CPNE8: variants seen among roughly 807,000 people sequenced by gnomAD.
CPNE8 encodes the protein copine 8.
A neutral mutation model predicts 81.5 loss-of-function variants in CPNE8; 45 were observed. That is an observed-to-expected ratio of 0.55 (90% CI 0.44 to 0.71). The LOEUF (loss-of-function observed/expected upper bound fraction) is 0.71, where lower values mean the gene tolerates loss of function less well. Ranked by LOEUF, CPNE8 falls within the 30% of genes least tolerant of loss-of-function variation. The probability of loss-of-function intolerance (pLI) is 0.00; values close to 1 mark genes in which losing one functional copy is unlikely to be tolerated. For missense variants in CPNE8, 594 were observed against 672.1 expected (o/e 0.88, Z 1.28); for synonymous variants, 252 against 226.3 (o/e 1.11, Z -1.02).
chr12:38,881,258 C>G (rs1944153831), intron 1 of CPNE8, among the ~76,000 whole-genome samples: 2 of 151,506 alleles, frequency 1.3e-5, no homozygotes, highest in Admixed American at 1.3e-4. Context: ...TACTAAAAAG[C>G]CGAAGTCAGC....
chr12:38,654,891 A>G (rs569844934), intron 19 of CPNE8, among the ~76,000 whole-genome samples: 25 of 152,340 alleles, frequency 1.6e-4, no homozygotes, highest in African/African-American at 5.5e-4. Flanking sequence ...TAAACACATT[A>G]AAGTATTTTA....
intron 6 of CPNE8, among the ~76,000 whole-genome samples, chr12:38,778,290 G>A (rs751639393): frequency 1.3e-5 from 2 of 152,082 alleles, no homozygotes; most frequent in African/African-American, 4.8e-5. Context: ...ACAGCCTATG[G>A]TGGTTTCACA....
chr12:38,869,775 C>T (rs1400819798), intron 3 of CPNE8, among the ~76,000 whole-genome samples: 1 of 152,072 alleles, frequency 6.6e-6, no homozygotes, highest in Non-Finnish European at 1.5e-5. Flanking sequence ...ACTCTGGGTC[C>T]TATCTCATCA....
At chr12:38,819,623 C>T (rs1226684214) in intron 6 of CPNE8, among the ~76,000 whole-genome samples, 2 of 151,742 alleles carry the variant, frequency 1.3e-5, no homozygotes, top group Non-Finnish European at 2.9e-5. Flanking sequence ...AAAAATTAGC[C>T]GGGCGTGATG....
intron 10 of CPNE8, among the ~76,000 whole-genome samples, chr12:38,734,271 A>G (rs149067685): frequency 2.0e-5 from 3 of 152,152 alleles, no homozygotes; most frequent in Admixed American, 2.0e-4. Context: ...TTACCTTGCC[A>G]GTGATATTAA....
intron 8 of CPNE8, among the ~76,000 whole-genome samples, chr12:38,764,415 A>C (rs1194604739): frequency 2.6e-5 from 4 of 151,600 alleles, no homozygotes. Flanking sequence ...CAGGAGATCG[A>C]GACCATCCCG....
Position 38,905,513 on chromosome 12 carries a change from T to G in CPNE8, c.22A>C (p.Thr8Pro). 1 of 1,570,052 alleles carries G rather than the reference T, an allele frequency of 6.4e-7. No homozygotes were observed. The highest frequency in any genetic ancestry group is 8.6e-7 in the Non-Finnish European group (1 of 1,157,452). MDSRYNSTAGIGDLNQLS... is the reference protein window; with the variant it reads MDSRYNSPAGIGDLNQLS... ...TGGTTCAAGTCCCCGATGCCCGCAG[T>G]GCTGTTGTAGCGGCTGTCCATATTG... The change falls in exon 1 of 20, where the codon ACT (threonine) becomes CCT (proline). Residue 8 changes from threonine to proline, a missense_variant. Coordinates refer to ENST00000331366, the MANE Select transcript of CPNE8 (RefSeq NM_153634.3).
At chr12:38,842,427 A>G (rs1676909281) in intron 4 of CPNE8, among the ~76,000 whole-genome samples, 1 of 152,162 alleles carries the variant, frequency 6.6e-6, no homozygotes, top group South Asian at 2.1e-4. Flanking sequence ...CAAAAAGCTT[A>G]AGTATCTTCA....
intron 5 of CPNE8, among the ~76,000 whole-genome samples, chr12:38,836,956 G>T (rs114508463): frequency 1.3e-5 from 2 of 152,038 alleles, no homozygotes; most frequent in East Asian, 3.9e-4. Flanking sequence ...CTTCTCTTTC[G>T]ACATCCTTCA....
At chr12:38,896,416 T>C (rs1241539192) in intron 1 of CPNE8, among the ~76,000 whole-genome samples, 3 of 152,102 alleles carry the variant, frequency 2.0e-5, no homozygotes, top group Non-Finnish European at 4.4e-5. Flanking sequence ...GTGAACATCA[T>C]TGGTCCCTGG....
chr12:38,737,763 G>T (rs1390960836), intron 10 of CPNE8, among the ~76,000 whole-genome samples: 1 of 151,778 alleles, frequency 6.6e-6, no homozygotes, highest in East Asian at 1.9e-4. Flanking sequence ...TTGAACCAAG[G>T]TTCATATTTT....
intron 6 of CPNE8, among the ~76,000 whole-genome samples, chr12:38,793,001 T>G (rs1374505846): frequency 6.6e-6 from 1 of 151,860 alleles, no homozygotes; most frequent in Admixed American, 6.6e-5. Flanking sequence ...TCATCTTAAC[T>G]GATGCAGAAA....
At chr12:38,900,126 C>T (rs1338823604) in intron 1 of CPNE8, among the ~76,000 whole-genome samples, 1 of 151,966 alleles carries the variant, frequency 6.6e-6, no homozygotes, top group Admixed American at 6.6e-5. Context: ...GTTCCCAAAC[C>T]CATTTAAGCT....
At chr12:38,779,624 A>G (rs1334173411) in intron 6 of CPNE8, among the ~76,000 whole-genome samples, 1 of 152,176 alleles carries the variant, frequency 6.6e-6, no homozygotes, top group African/African-American at 2.4e-5. Context: ...TCAAGTGATC[A>G]TGGTTGCCTG....
chr12:38,906,174 T>G (rs1944569475), upstream of CPNE8: 1 of 985,574 alleles, frequency 1.0e-6, no homozygotes, highest in Non-Finnish European at 1.2e-6. Context: ...GATCCCTCCG[T>G]CCCTCCTACT....
At chr12:38,730,736 A>C (rs1349195627) in intron 10 of CPNE8, among the ~76,000 whole-genome samples, 1 of 151,588 alleles carries the variant, frequency 6.6e-6, no homozygotes, top group East Asian at 1.9e-4. Context: ...ATATCTATGG[A>C]TATATATTTT....
At chr12:38,715,239 T>C (rs1389569121) in intron 13 of CPNE8, among the ~76,000 whole-genome samples, 1 of 152,214 alleles carries the variant, frequency 6.6e-6, no homozygotes, top group East Asian at 1.9e-4. Context: ...CTCCCTTGCA[T>C]CTGGTCTAAG....
intron 6 of CPNE8, among the ~76,000 whole-genome samples, chr12:38,799,810 C>A (rs921353529): frequency 1.4e-5 from 2 of 143,454 alleles, no homozygotes; most frequent in African/African-American, 4.9e-5. Context: ...GCACCGTGCG[C>A]GAGCCGAAGC....
At chr12:38,654,558 T>G (rs892946423) in intron 19 of CPNE8, among the ~76,000 whole-genome samples, 2 of 149,784 alleles carry the variant, frequency 1.3e-5, no homozygotes, top group African/African-American at 4.9e-5. Context: ...CAAATAGCTA[T>G]AAGTGACTAA....
Sources: gnomAD v4.1 joint callset for allele counts (sites outside exome capture counted in the v4.1 genomes callset) on GRCh38, gnomAD v4.1.1 for gene constraint, MANE v1.5 for transcripts, NCBI Gene and HGNC (gene_info 2026-07-23, HGNC 2026-07-21) for gene names.